Variants in IRAK3 observed in about 807,000 individuals in gnomAD.
The protein encoded by IRAK3 is interleukin-1 receptor-associated kinase 3.
A neutral mutation model predicts 56.6 loss-of-function variants in IRAK3; 57 were observed. The ratio of observed to expected loss-of-function variants is 1.01; its 90% CI spans 0.81 to 1.26. The LOEUF (loss-of-function observed/expected upper bound fraction) is 1.26, where lower values mean the gene tolerates loss of function less well. Among genes scored for constraint, IRAK3 ranks in the 50% most tolerant of loss-of-function variants. The pLI is 0.00. For synonymous variants in IRAK3, 258 were observed against 255.7 expected, an observed-to-expected ratio of 1.01 and a Z score of -0.09; for missense variants, 703 against 719.0, an observed-to-expected ratio of 0.98 and a Z score of 0.25.
intron 1 of IRAK3, among the ~76,000 whole-genome samples, chr12:66,192,129 C>G (rs1256271976): frequency 6.6e-6 from 1 of 152,206 alleles, no homozygotes; most frequent in African/African-American, 2.4e-5. Flanking sequence ...AGGAGTGAGT[C>G]TGAGGCACAA....
intron 5 of IRAK3, among the ~76,000 whole-genome samples, chr12:66,216,138 T>G (rs558204546): frequency 6.6e-6 from 1 of 152,244 alleles, no homozygotes; most frequent in African/African-American, 2.4e-5. Flanking sequence ...GAGTGCTACA[T>G]TAGCATAAAC....
At chr12:66,235,031 A>C in intron 8 of IRAK3, 1 of 1,613,242 alleles carries the variant, frequency 6.2e-7, no homozygotes, top group Non-Finnish European at 8.5e-7. Context: ...TGTGGAGACT[A>C]TTTTCCCATA....
Position 66,226,745 on chromosome 12 carries a change from G to C in IRAK3, c.676G>C (p.Glu226Gln). ...AAGGTTTCATCACCCAAACATACTA[G>C]AGTTGGCTGCATATTTTACAGAGAC... ...LLLFHHPNIL[E>Q]LAAYFTETEK... is the part of the protein sequence containing the mutation. The change falls in exon 7 of 12, where the codon GAG becomes CAG. Residue 226 changes from glutamate to glutamine, a missense_variant. Physicochemically the swap from Glu to Gln is conservative, Grantham distance 29. Coordinates refer to ENST00000261233, the MANE Select transcript of IRAK3 (RefSeq NM_007199.3). 6.2e-7 allele frequency: 1 copy of C among 1,605,316 alleles called. No homozygotes were observed. The highest frequency in any genetic ancestry group is 8.5e-7 in the Non-Finnish European group (1 of 1,172,002).
chr12:66,211,729 T>G, intron 5 of IRAK3, 132 bp downstream of exon 5: 1 of 765,930 alleles, frequency 1.3e-6, no homozygotes, highest in Non-Finnish European at 2.2e-6. Flanking sequence ...AAATAAGAGA[T>G]ATGATTTCAG....
chr12:66,209,772 T>C (rs2052594310), intron 3 of IRAK3, among the ~76,000 whole-genome samples: 1 of 152,250 alleles, frequency 6.6e-6, no homozygotes, highest in African/African-American at 2.4e-5. Context: ...CTACTAAGGA[T>C]GCTGTGATTT....
chr12:66,223,437 A>T (rs1592591992), intron 6 of IRAK3, among the ~76,000 whole-genome samples: 1 of 151,972 alleles, frequency 6.6e-6, no homozygotes, highest in Non-Finnish European at 1.5e-5. Flanking sequence ...AGGCAGGCGG[A>T]TTATGAGGTC....
chr12:66,207,196 C>T (rs1057114331), intron 2 of IRAK3, among the ~76,000 whole-genome samples: 6 of 152,104 alleles, frequency 3.9e-5, no homozygotes, highest in Non-Finnish European at 7.4e-5. Context: ...TTCGGCCAGG[C>T]GAGGTAGCTC....
At chr12:66,207,925 T>G (rs564125273) in intron 2 of IRAK3, among the ~76,000 whole-genome samples, 1 of 152,342 alleles carries the variant, frequency 6.6e-6, no homozygotes, top group East Asian at 1.9e-4. Context: ...TATTTGAGGT[T>G]CATTTAATTG....
At position 66,250,335 on chromosome 12, in the gene IRAK3, C is replaced by T. The variant is rs928884748; in HGVS notation, c.*2164C>T. The T allele has an allele frequency of 1.3e-5, 2 of 152,088 alleles. No individual in the cohort carries two copies. Among genetic ancestry groups the T allele is most frequent in the African/African-American group, 4.8e-5 (2 of 41,382 alleles). The allele number at this position is 152,088 out of a possible 1,614,324, so 9.4% of individuals were successfully genotyped here. ...AGTATGGTTGGGTTAATCATATTCA[C>T]ATTAGATTCCATGTTGAAGAACAAC... On this transcript the variant is annotated 3_prime_UTR_variant, in exon 12 of 12. Coordinates refer to ENST00000261233, the MANE Select transcript of IRAK3 (RefSeq NM_007199.3).
intron 1 of IRAK3, among the ~76,000 whole-genome samples, chr12:66,199,441 A>C (rs2052486329): frequency 6.6e-6 from 1 of 152,244 alleles, no homozygotes; most frequent in Middle Eastern, 3.4e-3. Context: ...GCTCAGACTC[A>C]TTTATTTGTC....
chr12:66,245,901 C>G (rs911980563), intron 11 of IRAK3, among the ~76,000 whole-genome samples: 1 of 152,010 alleles, frequency 6.6e-6, no homozygotes, highest in Non-Finnish European at 1.5e-5. Context: ...ATCACCCATT[C>G]ATTTATTTGT....
chr12:66,221,649 G>A (rs2052734634), intron 6 of IRAK3, among the ~76,000 whole-genome samples: 1 of 152,118 alleles, frequency 6.6e-6, no homozygotes, highest in Non-Finnish European at 1.5e-5. Context: ...TGTTAATATG[G>A]TGTATCATTT....
chr12:66,197,063 C>A, intron 1 of IRAK3: 3 of 1,425,312 alleles, frequency 2.1e-6, no homozygotes, highest in Non-Finnish European at 2.7e-6. Flanking sequence ...CCTGCACTCT[C>A]AAAACAGCCT....
At chr12:66,241,142 G>T (rs2052965423) in intron 8 of IRAK3, among the ~76,000 whole-genome samples, 1 of 152,086 alleles carries the variant, frequency 6.6e-6, no homozygotes, top group African/African-American at 2.4e-5. Flanking sequence ...CTAGAGTCAG[G>T]TTACAAACTC....
chr12:66,233,946 T>G, intron 8 of IRAK3: 6 of 1,078,972 alleles, frequency 5.6e-6, no homozygotes, highest in Non-Finnish European at 7.9e-6. Flanking sequence ...TCGTTATAAA[T>G]AACGTTTTCA....
Position 66,205,454 on chromosome 12 carries a change from AATTG to A in IRAK3, c.316+1567_316+1570del, listed in dbSNP as rs1226093762. ...AAAGAAAATAGCATTATTTAATTGT[AATTG>A]ATTGAGTTGATGTTTCAAATTAAAT... is the stretch of plus-strand genomic sequence containing the variant. On this transcript the variant is annotated intron_variant, in intron 2 of 11. Transcript: ENST00000261233. Among the ~76,000 whole-genome samples the A allele has an allele frequency of 7.2e-5, 11 of 152,316 alleles. 1 individual carries two copies. Among genetic ancestry groups the A allele is most frequent in the African/African-American group, 2.4e-4 (10 of 41,582 alleles).
chr12:66,240,253 A>G lies in IRAK3; in HGVS notation c.888-4233A>G, dbSNP rs11465980. Among the ~76,000 whole-genome samples the G allele has an allele frequency of 2.0e-3, 298 of 152,316 alleles. 1 individual carries two copies. Among genetic ancestry groups the G allele is most frequent in the African/African-American group, 6.8e-3 (284 of 41,574 alleles). On this transcript the variant is annotated intron_variant, in intron 8 of 11. Transcript: ENST00000261233. ...TTTATACCAACAGGGAAACAGGCTT[A>G]GGGGGGTTGTGCTAGTTGTGGGTAG...
chr12:66,234,164 G>C, intron 8 of IRAK3: 6 of 1,614,156 alleles, frequency 3.7e-6, no homozygotes, highest in Non-Finnish European at 5.1e-6. Flanking sequence ...AACAGGAGCC[G>C]CTGTCGTCTG....
rs1362846607 is a variant in IRAK3, at chr12:66,249,348, G to C, written c.*1177G>C. ...GCCCGGCTAATTTTTTGTATTTTTAGTAGAGACGGGGTTTCACCATGTTAG... is the reference window on the plus strand; with the variant it reads ...GCCCGGCTAATTTTTTGTATTTTTACTAGAGACGGGGTTTCACCATGTTAG... On this transcript the variant is annotated 3_prime_UTR_variant, in exon 12 of 12. Coordinates refer to ENST00000261233, the MANE Select transcript of IRAK3 (RefSeq NM_007199.3). 2 of 152,162 alleles carry C rather than the reference G, an allele frequency of 1.3e-5. No homozygotes were observed. The highest frequency in any genetic ancestry group is 3.9e-4 in the East Asian group (2 of 5,188). 9.4% of individuals were successfully genotyped at this position (152,162 alleles called of 1,614,324 possible).
Sources: gnomAD v4.1 joint callset for allele counts (sites outside exome capture counted in the v4.1 genomes callset) on GRCh38, gnomAD v4.1.1 for gene constraint, MANE v1.5 for transcripts, NCBI Gene and HGNC (gene_info 2026-07-23, HGNC 2026-07-21) for gene names.